Variants in DNAJC1 observed in about 807,000 individuals in gnomAD.
DNAJC1 encodes DnaJ heat shock protein family (Hsp40) member C1, also known as dnaJ homolog subfamily C member 1.
DNAJC1 carries 58 observed loss-of-function variants against 76.6 expected under a neutral mutation model. The ratio of observed to expected loss-of-function variants is 0.76; its 90% CI spans 0.61 to 0.94. DNAJC1 has a LOEUF of 0.94. Among genes scored for constraint, DNAJC1 ranks in the 40% least tolerant of loss-of-function variants. The pLI, the probability that DNAJC1 is intolerant of heterozygous loss-of-function variation, is 0.00. For synonymous variants in DNAJC1, 258 were observed against 267.9 expected (o/e 0.96, Z 0.36); for missense variants, 689 against 677.3 (o/e 1.02, Z -0.19).
chr10:21,901,039 G>A (rs12265097), intron 7 of DNAJC1, among the ~76,000 whole-genome samples: 2,637 of 152,074 alleles, frequency 0.017, 81 homozygotes, highest in African/African-American at 0.059. Flanking sequence ...CCACTTTCTC[G>A]CTAAGTGCTT....
chr10:21,800,471 A>T (rs1419151436), intron 9 of DNAJC1, among the ~76,000 whole-genome samples: 1 of 152,240 alleles, frequency 6.6e-6, no homozygotes, highest in South Asian at 2.1e-4. Context: ...ATGAGTGAAA[A>T]GACAATTTTT....
At chr10:21,990,921 GTTAA>G (rs1020870660) in intron 1 of DNAJC1, among the ~76,000 whole-genome samples, 22 of 152,210 alleles carry the variant, frequency 1.4e-4, no homozygotes, top group African/African-American at 5.1e-4. Context: ...CAAAAAGATC[GTTAA>G]TTAATCATTC....
intron 7 of DNAJC1, among the ~76,000 whole-genome samples, chr10:21,890,386 C>A (rs1025859909): frequency 6.8e-6 from 1 of 147,576 alleles, no homozygotes; most frequent in African/African-American, 2.5e-5. Flanking sequence ...GCACTCCAGC[C>A]TGGACGAAAC....
intron 9 of DNAJC1, among the ~76,000 whole-genome samples, chr10:21,792,320 T>G (rs1311305088): frequency 6.6e-6 from 1 of 152,182 alleles, no homozygotes; most frequent in East Asian, 1.9e-4. Flanking sequence ...GTTCACAAAC[T>G]TTCAGAAATT....
At chr10:21,844,059 C>G (rs1835616894) in intron 8 of DNAJC1, among the ~76,000 whole-genome samples, 1 of 152,178 alleles carries the variant, frequency 6.6e-6, no homozygotes, top group Admixed American at 6.5e-5. Flanking sequence ...TTGCCTGCTG[C>G]CATGTAAGAT....
intron 9 of DNAJC1, among the ~76,000 whole-genome samples, chr10:21,791,527 G>A (rs553477904): frequency 6.6e-6 from 1 of 152,222 alleles, no homozygotes; most frequent in South Asian, 2.1e-4. Flanking sequence ...TTAAAAAGTA[G>A]AAATCATATC....
chr10:21,813,160 CT>C (rs1835003934), intron 8 of DNAJC1, among the ~76,000 whole-genome samples: 1 of 82,182 alleles, frequency 1.2e-5, no homozygotes, highest in Non-Finnish European at 2.2e-5. Flanking sequence ...GTCTCTCTCT[CT>C]CTCTCTCTCT....
chr10:21,881,276 CTTTG>C (rs1836271405), intron 8 of DNAJC1, among the ~76,000 whole-genome samples: 1 of 152,130 alleles, frequency 6.6e-6, no homozygotes, highest in Non-Finnish European at 1.5e-5. Context: ...GCTTGCTTAC[CTTTG>C]ATGTATTCAC....
At chr10:21,800,865 G>A (rs1306593445) in intron 9 of DNAJC1, among the ~76,000 whole-genome samples, 2 of 151,092 alleles carry the variant, frequency 1.3e-5, no homozygotes, top group Non-Finnish European at 2.9e-5. Flanking sequence ...TTTTTGCTAT[G>A]AACATAGAGT....
At chr10:21,936,586 G>A (rs890050602) in intron 1 of DNAJC1, among the ~76,000 whole-genome samples, 2 of 152,084 alleles carry the variant, frequency 1.3e-5, no homozygotes, top group Non-Finnish European at 2.9e-5. Flanking sequence ...AAGGAATAGG[G>A]AACAGTGCTT....
In DNAJC1 at chr10:21,929,021, A is replaced by G; in HGVS notation, c.324+19T>C. On this transcript the variant is annotated intron_variant, in intron 2 of 11. Transcript: ENST00000376980. ...TACATTTGTCACAAAATATATATATAATAGCATATTTCACTTACTTGTCTA... is the reference window on the plus strand; with the variant it reads ...TACATTTGTCACAAAATATATATATGATAGCATATTTCACTTACTTGTCTA... 6.9e-7 allele frequency: 1 copy of G among 1,445,234 alleles called. No individual in the cohort carries two copies. Among genetic ancestry groups the G allele is most frequent in the Non-Finnish European group, 9.6e-7 (1 of 1,038,742 alleles). The allele number at this position is 1,445,234 out of a possible 1,614,324, so 89.5% of individuals were successfully genotyped here. A position where few individuals can be genotyped will look rare whatever the true frequency, so the allele number is the denominator to read the frequency against.
chr10:21,893,783 A>G (rs1436404879), intron 7 of DNAJC1, among the ~76,000 whole-genome samples: 2 of 151,884 alleles, frequency 1.3e-5, no homozygotes, highest in Non-Finnish European at 2.9e-5. Flanking sequence ...AAGAAGACCA[A>G]AACAATCCAA....
intron 1 of DNAJC1, among the ~76,000 whole-genome samples, chr10:21,950,325 G>A (rs1219773030): frequency 3.3e-5 from 5 of 151,956 alleles, no homozygotes; most frequent in Admixed American, 2.0e-4. Context: ...AGTGATCTTT[G>A]ATATTACCAT....
chr10:21,889,372 A>G (rs1252383655), intron 7 of DNAJC1, among the ~76,000 whole-genome samples: 2 of 152,186 alleles, frequency 1.3e-5, no homozygotes, highest in Non-Finnish European at 2.9e-5. Context: ...TGGTGATTAT[A>G]TTTCAACATG....
intron 8 of DNAJC1, among the ~76,000 whole-genome samples, chr10:21,818,541 G>C (rs1307274622): frequency 6.6e-6 from 1 of 152,012 alleles, no homozygotes; most frequent in African/African-American, 2.4e-5. Context: ...CTCCCCTTTT[G>C]AAAATCACTA....
chr10:21,784,980 A>C (rs1207363974), intron 9 of DNAJC1, among the ~76,000 whole-genome samples: 2 of 152,202 alleles, frequency 1.3e-5, no homozygotes, highest in East Asian at 3.8e-4. Flanking sequence ...CAGCACACCA[A>C]CATGGCACAT....
At chr10:22,000,260 C>A (rs1056205724) in intron 1 of DNAJC1, among the ~76,000 whole-genome samples, 1 of 152,190 alleles carries the variant, frequency 6.6e-6, no homozygotes, top group Non-Finnish European at 1.5e-5. Context: ...CCACAATTAT[C>A]CCTCTAAGTA....
At chr10:21,792,220 A>G (rs1834698184) in intron 9 of DNAJC1, among the ~76,000 whole-genome samples, 1 of 152,238 alleles carries the variant, frequency 6.6e-6, no homozygotes, top group Non-Finnish European at 1.5e-5. Context: ...TGAATTAGTA[A>G]CTAAAAGTCT....
intron 8 of DNAJC1, among the ~76,000 whole-genome samples, chr10:21,850,202 G>C (rs1835730137): frequency 6.6e-6 from 1 of 152,100 alleles, no homozygotes; most frequent in African/African-American, 2.4e-5. Context: ...GATATCATCT[G>C]ATATGTAGAA....
Sources: gnomAD v4.1 joint callset for allele counts (sites outside exome capture counted in the v4.1 genomes callset) on GRCh38, gnomAD v4.1.1 for gene constraint, MANE v1.5 for transcripts, NCBI Gene and HGNC (gene_info 2026-07-23, HGNC 2026-07-21) for gene names.